The following SLC6A4 variants were observed in gnomAD, a reference collection of about 807,000 sequenced individuals.
SLC6A4 encodes solute carrier family 6 member 4.
Under a neutral mutation model 73.4 loss-of-function variants are expected in SLC6A4, and 22 were observed. The ratio of observed to expected loss-of-function variants is 0.30; its 90% CI spans 0.21 to 0.43. SLC6A4 has a LOEUF of 0.43. Ranked by LOEUF, SLC6A4 falls within the 20% of genes least tolerant of loss-of-function variation. The pLI is 1.00. For synonymous variants in SLC6A4, 270 were observed against 315.5 expected (o/e 0.86, Z 1.53); for missense variants, 593 against 808.5 (o/e 0.73, Z 3.23).
chr17:30,234,247 C>T lies in SLC6A4; in HGVS notation c.-221+1366G>A, dbSNP rs56184732. 4.8e-3 allele frequency among the ~76,000 whole-genome samples: 736 copies of T among 152,198 alleles called. 9 individuals carry two copies. The highest frequency in any genetic ancestry group is 0.017 in the African/African-American group (701 of 41,524). On this transcript the variant is annotated intron_variant, in intron 1 of 14. Coordinates refer to ENST00000650711, the MANE Select transcript of SLC6A4 (RefSeq NM_001045.6). ...AAAAAAATGGGTTTGAATATCTGTG[C>T]TGGTGGTTATATCTCTGAGAGGTCT... is the stretch of plus-strand genomic sequence containing the variant.
intron 1 of SLC6A4, among the ~76,000 whole-genome samples, chr17:30,230,487 T>G (rs750232967): frequency 2.0e-4 from 31 of 152,172 alleles, no homozygotes; most frequent in Non-Finnish European, 8.8e-5. Context: ...AAGATTACCT[T>G]TGTGTAAAAC....
chr17:30,210,628 C>T lies in SLC6A4; in HGVS notation c.1336G>A (p.Val446Met). 6.2e-7 allele frequency: 1 copy of T among 1,612,492 alleles called. No individual in the cohort carries two copies. Among genetic ancestry groups the T allele is most frequent in the Non-Finnish European group, 8.5e-7 (1 of 1,179,196 alleles). Reference sequence around the variant, plus strand: ...AACTCATCCAGCACAGCCGTGATCACCCCCTCCAAGCCTGCAAACTGAGAG... The same window carrying T: ...AACTCATCCAGCACAGCCGTGATCATCCCCTCCAAGCCTGCAAACTGAGAG... The part of the protein sequence containing the change: ...LDSTFAGLEG[V>M]ITAVLDEFPH... Residue 446 changes from valine (V) to methionine (M), a missense_variant, in exon 11 of 15, where the codon GTG (valine) becomes ATG (methionine). Physicochemically the swap from Val to Met is conservative, Grantham distance 21. Coordinates refer to ENST00000650711, the MANE Select transcript of SLC6A4 (RefSeq NM_001045.6).
At chr17:30,205,196 T>C (rs897018877) in intron 13 of SLC6A4, among the ~76,000 whole-genome samples, 5 of 152,182 alleles carry the variant, frequency 3.3e-5, no homozygotes, top group African/African-American at 1.2e-4. Flanking sequence ...TAAAAAATAT[T>C]GTGTGAAAAT....
intron 13 of SLC6A4, chr17:30,206,231 C>T (rs1431412482): frequency 7.6e-6 from 1 of 131,248 alleles, no homozygotes; most frequent in Non-Finnish European, 1.6e-5. Flanking sequence ...ACATTTCTGG[C>T]TCTAAAAGAC....
chr17:30,201,227 G>T (rs1167114323), intron 14 of SLC6A4, among the ~76,000 whole-genome samples: 1 of 152,216 alleles, frequency 6.6e-6, no homozygotes, highest in Non-Finnish European at 1.5e-5. Flanking sequence ...ACATTTGAAA[G>T]AGGAGGAAAC....
In SLC6A4 at chr17:30,212,798, C is replaced by A; in HGVS notation, c.1146G>T (p.Val382=). Residue 382 remains valine, a synonymous_variant, in exon 9 of 15, where the codon GTG becomes GTT. Coordinates refer to ENST00000650711, the MANE Select transcript of SLC6A4 (RefSeq NM_001045.6). The stretch of plus-strand genomic sequence containing the variant: ...TCCTCATCTCAGCCATGTAACCGAG[C>A]ACTGTGAAGATGACAAATCCCGAAA... The part of the protein sequence containing the change: ...SFVSGFVIFT[V]LGYMAEMRNE... The A allele has an allele frequency of 6.2e-7, 1 of 1,614,186 alleles. No homozygotes were observed. The highest frequency in any genetic ancestry group is 8.5e-7 in the Non-Finnish European group (1 of 1,180,016).
chr17:30,203,894 C>T (rs916513568), intron 13 of SLC6A4, among the ~76,000 whole-genome samples: 6 of 152,226 alleles, frequency 3.9e-5, no homozygotes, highest in African/African-American at 9.6e-5. Flanking sequence ...GACTCAGGCT[C>T]CTGGGGGTGT....
intron 8 of SLC6A4, among the ~76,000 whole-genome samples, chr17:30,214,875 C>T (rs1380194422): frequency 6.6e-6 from 1 of 151,900 alleles, no homozygotes; most frequent in Non-Finnish European, 1.5e-5. Context: ...CCTCGTGATC[C>T]ACCCGCCTCG....
intron 1 of SLC6A4, among the ~76,000 whole-genome samples, chr17:30,226,693 T>G (rs1411474477): frequency 6.6e-6 from 1 of 151,472 alleles, no homozygotes; most frequent in Non-Finnish European, 1.5e-5. Context: ...AGAGTGAAAC[T>G]CTGTCTCAAA....
At chr17:30,217,760 AT>A (rs1285560569) in intron 5 of SLC6A4, among the ~76,000 whole-genome samples, 2 of 152,234 alleles carry the variant, frequency 1.3e-5, no homozygotes, top group East Asian at 3.8e-4. Flanking sequence ...ACATTAAACC[AT>A]TTGAATAGTT....
chr17:30,228,379 T>C (rs569071282), intron 1 of SLC6A4, among the ~76,000 whole-genome samples: 44 of 152,366 alleles, frequency 2.9e-4, no homozygotes, highest in Middle Eastern at 3.4e-3. Flanking sequence ...TTGATGTCAC[T>C]ATCACCACCA....
chr17:30,229,090 C>T (rs958541043), intron 1 of SLC6A4, among the ~76,000 whole-genome samples: 12 of 152,296 alleles, frequency 7.9e-5, no homozygotes, highest in South Asian at 2.1e-4. Flanking sequence ...CCTCACCCAT[C>T]GGGAAGATTG....
rs1905883364 is a variant in SLC6A4, at chr17:30,196,979, T to C, written c.*1477A>G. 6.6e-6 allele frequency: 1 copy of C among 152,218 alleles called. No individual in the cohort carries two copies. Among genetic ancestry groups the C allele is most frequent in the African/African-American group, 2.4e-5 (1 of 41,388 alleles). 9.4% of individuals were successfully genotyped at this position (152,218 alleles called of 1,614,324 possible). On this transcript the variant is annotated 3_prime_UTR_variant, in exon 15 of 15. Transcript: ENST00000650711. ...CTGTCTGGACCTTCTTTTTATAAGG[T>C]TGTTAGAATTAAATTTCATTTATAC...
intron 13 of SLC6A4, 143 bp from the exon 14 acceptor site, chr17:30,203,482 C>G (rs1906097765): frequency 1.4e-6 from 1 of 702,740 alleles, no homozygotes; most frequent in Non-Finnish European, 2.3e-6. Context: ...GGATTGAACT[C>G]TGACACACAG....
chr17:30,233,224 G>A (rs1288181034), intron 1 of SLC6A4, among the ~76,000 whole-genome samples: 1 of 152,208 alleles, frequency 6.6e-6, no homozygotes, highest in East Asian at 1.9e-4. Flanking sequence ...ACATCAGGGA[G>A]TGGAGGTGGC....
At chr17:30,233,232 G>T (rs1355740716) in intron 1 of SLC6A4, among the ~76,000 whole-genome samples, 1 of 152,178 alleles carries the variant, frequency 6.6e-6, no homozygotes, top group African/African-American at 2.4e-5. Context: ...GAGTGGAGGT[G>T]GCTGTTAATA....
At chr17:30,215,002 T>TC (rs1906519720) in intron 8 of SLC6A4, among the ~76,000 whole-genome samples, 4 of 142,286 alleles carry the variant, frequency 2.8e-5, no homozygotes, top group South Asian at 2.3e-4. Flanking sequence ...CTTCCTTCCT[T>TC]TCTTTCTTTC....
intron 1 of SLC6A4, among the ~76,000 whole-genome samples, chr17:30,226,915 C>T (rs1906948487): frequency 6.9e-6 from 1 of 144,460 alleles, no homozygotes; most frequent in Non-Finnish European, 1.5e-5. Context: ...AAGGCAGGCA[C>T]AGTCCTGCCT....
At chr17:30,234,310 A>C (rs1907205093) in intron 1 of SLC6A4, among the ~76,000 whole-genome samples, 1 of 152,194 alleles carries the variant, frequency 6.6e-6, no homozygotes, top group African/African-American at 2.4e-5. Flanking sequence ...ACTTTTGATT[A>C]ATTGTGAAGC....
Sources: allele counts gnomAD v4.1 joint callset (sites outside exome capture counted in the v4.1 genomes callset), GRCh38; gene constraint gnomAD v4.1.1; transcripts MANE v1.5; gene names NCBI Gene and HGNC (gene_info 2026-07-23, HGNC 2026-07-21).